PPP3CA: variants seen among roughly 807,000 people sequenced by gnomAD.
PPP3CA encodes the protein protein phosphatase 3 catalytic subunit alpha.
PPP3CA carries 14 observed loss-of-function variants against 66.5 expected under a neutral mutation model. The ratio of observed to expected loss-of-function variants is 0.21; its 90% CI spans 0.14 to 0.33. The LOEUF (loss-of-function observed/expected upper bound fraction) is 0.33, where lower values mean the gene tolerates loss of function less well. Ranked by LOEUF, PPP3CA falls within the 10% of genes least tolerant of loss-of-function variation. The pLI is 1.00. For missense variants in PPP3CA, 317 were observed against 639.5 expected (o/e 0.50, Z 5.44); for synonymous variants, 232 against 226.2 (o/e 1.03, Z -0.23).
chr4:101,109,974 G>A (rs1721616043), intron 2 of PPP3CA, among the ~76,000 whole-genome samples: 1 of 151,930 alleles, frequency 6.6e-6, no homozygotes, highest in South Asian at 2.1e-4. Flanking sequence ...GGCTTGGTAG[G>A]GTCACTCCTA....
intron 1 of PPP3CA, among the ~76,000 whole-genome samples, chr4:101,216,802 G>A (rs895934983): frequency 1.3e-5 from 2 of 152,038 alleles, no homozygotes; most frequent in East Asian, 1.9e-4. Flanking sequence ...CAGTCCACCT[G>A]GGCCTCCCAA....
chr4:101,326,208 G>T (rs1729204315), intron 1 of PPP3CA, among the ~76,000 whole-genome samples: 2 of 152,026 alleles, frequency 1.3e-5, no homozygotes, highest in African/African-American at 4.8e-5. Context: ...GGTATATGTG[G>T]GTTAACTGTC....
At chr4:101,184,293 T>C (rs1367110627) in intron 2 of PPP3CA, among the ~76,000 whole-genome samples, 6 of 152,172 alleles carry the variant, frequency 3.9e-5, no homozygotes, top group Admixed American at 1.3e-4. Flanking sequence ...ACTGTGCTGA[T>C]TGAGAGCTTG....
chr4:101,276,871 TAC>T (rs1727509535), intron 1 of PPP3CA, among the ~76,000 whole-genome samples: 1 of 151,440 alleles, frequency 6.6e-6, no homozygotes, highest in Non-Finnish European at 1.5e-5. Flanking sequence ...CCAGCGTTGA[TAC>T]GTTATTATTA....
chr4:101,305,627 A>AT (rs1167629565), intron 1 of PPP3CA, among the ~76,000 whole-genome samples: 2 of 152,186 alleles, frequency 1.3e-5, no homozygotes, highest in African/African-American at 2.4e-5. Flanking sequence ...GACTATCACC[A>AT]TTTTTTATAT....
At chr4:101,048,516 A>G (rs945459337) in intron 10 of PPP3CA, among the ~76,000 whole-genome samples, 4 of 96,144 alleles carry the variant, frequency 4.2e-5, no homozygotes, top group African/African-American at 8.0e-5. Context: ...CACCAAAAAA[A>G]AAAAAAAAAA....
At chr4:101,318,402 G>T (rs550201704) in intron 1 of PPP3CA, among the ~76,000 whole-genome samples, 1 of 152,228 alleles carries the variant, frequency 6.6e-6, no homozygotes, top group South Asian at 2.1e-4. Flanking sequence ...CTTGAATAAT[G>T]AAATATTTTA....
intron 1 of PPP3CA, among the ~76,000 whole-genome samples, chr4:101,241,935 G>A (rs1317382200): frequency 6.6e-6 from 1 of 151,988 alleles, no homozygotes; most frequent in Non-Finnish European, 1.5e-5. Flanking sequence ...ATCAATTCAG[G>A]ATTGTTGTTA....
At chr4:101,063,450 C>G (rs1399731016) in intron 8 of PPP3CA, 93 bp from the exon 9 acceptor site, 1 of 1,430,258 alleles carries the variant, frequency 7.0e-7, no homozygotes, top group African/African-American at 1.4e-5. Context: ...AACCATTTGA[C>G]TGAAGTTCCA....
intron 1 of PPP3CA, among the ~76,000 whole-genome samples, chr4:101,313,126 T>A (rs1728778316): frequency 6.6e-6 from 1 of 151,332 alleles, no homozygotes; most frequent in African/African-American, 2.4e-5. Context: ...TAGGACTGTA[T>A]TTTTTTTTAT....
At chr4:101,097,170 G>C (rs905866173) in intron 5 of PPP3CA, among the ~76,000 whole-genome samples, 1 of 152,068 alleles carries the variant, frequency 6.6e-6, no homozygotes, top group African/African-American at 2.4e-5. Context: ...AATATATACT[G>C]AGTAGTATGT....
chr4:101,331,961 T>A (rs1328235840), intron 1 of PPP3CA, among the ~76,000 whole-genome samples: 1 of 152,020 alleles, frequency 6.6e-6, no homozygotes, highest in African/African-American at 2.4e-5. Context: ...TTTAGAAAAA[T>A]AATCCTAGTG....
intron 2 of PPP3CA, among the ~76,000 whole-genome samples, chr4:101,109,802 T>TCA (rs1162669545): frequency 6.6e-6 from 1 of 152,172 alleles, no homozygotes; most frequent in Non-Finnish European, 1.5e-5. Context: ...CTTAACATTC[T>TCA]CACTTTCTCT....
At chr4:101,152,679 CCAAT>C (rs1164710419) in intron 2 of PPP3CA, among the ~76,000 whole-genome samples, 3 of 152,114 alleles carry the variant, frequency 2.0e-5, no homozygotes, top group Non-Finnish European at 2.9e-5. Flanking sequence ...TCCTTATCAA[CCAAT>C]CAACCAGTCA....
intron 2 of PPP3CA, among the ~76,000 whole-genome samples, chr4:101,175,113 CT>C (rs1213671813): frequency 3.3e-5 from 5 of 152,018 alleles, no homozygotes; most frequent in Non-Finnish European, 5.9e-5. Context: ...AAAACAAATC[CT>C]AAAACAAAGA....
At chr4:101,199,034 G>A (rs917734970) in intron 1 of PPP3CA, among the ~76,000 whole-genome samples, 6 of 152,170 alleles carry the variant, frequency 3.9e-5, no homozygotes, top group Admixed American at 3.9e-4. Flanking sequence ...TGATGCCAAA[G>A]ACTGAACACA....
At chr4:101,050,347 T>TA (rs1026757296) in intron 10 of PPP3CA, among the ~76,000 whole-genome samples, 71 of 152,224 alleles carry the variant, frequency 4.7e-4, no homozygotes, top group African/African-American at 1.7e-3. Flanking sequence ...CCACTTCTCT[T>TA]AAGACATATA....
At chr4:101,165,495 T>G (rs1348554201) in intron 2 of PPP3CA, among the ~76,000 whole-genome samples, 2 of 152,132 alleles carry the variant, frequency 1.3e-5, no homozygotes, top group African/African-American at 4.8e-5. Context: ...TCCCCTAACC[T>G]TTTAACCAAT....
chr4:101,315,395 G>A (rs1728854674), intron 1 of PPP3CA, among the ~76,000 whole-genome samples: 1 of 152,146 alleles, frequency 6.6e-6, no homozygotes, highest in South Asian at 2.1e-4. Flanking sequence ...AGTAAACTGA[G>A]GCTCAATAAG....
Sources: allele counts gnomAD v4.1 joint callset (sites outside exome capture counted in the v4.1 genomes callset), GRCh38; gene constraint gnomAD v4.1.1; transcripts MANE v1.5; gene names NCBI Gene and HGNC (gene_info 2026-07-23, HGNC 2026-07-21).